ANKLE2: variants seen among roughly 807,000 people sequenced by gnomAD.
The protein encoded by ANKLE2 is ankyrin repeat and LEM domain-containing protein 2.
A neutral mutation model predicts 84.2 loss-of-function variants in ANKLE2; 55 were observed. That is an observed-to-expected ratio of 0.65 (90% CI 0.53 to 0.82). The LOEUF is 0.82. Among genes scored for constraint, ANKLE2 ranks in the 40% least tolerant of loss-of-function variants. ANKLE2 has a pLI of 0.00. For missense variants in ANKLE2, 1,238 were observed against 1,201.9 expected (o/e 1.03, Z -0.44); for synonymous variants, 551 against 486.1 (o/e 1.13, Z -1.76).
intron 6 of ANKLE2, 184 bp from the exon 7 acceptor site, chr12:132,741,669 CAGCT>C (rs1308333372): frequency 1.5e-5 from 10 of 674,250 alleles, no homozygotes; most frequent in Non-Finnish European, 2.4e-5. Flanking sequence ...TCTAAGGAGA[CAGCT>C]AGGAGAACAC....
At chr12:132,752,063 G>C (rs189981352) in intron 2 of ANKLE2, among the ~76,000 whole-genome samples, 1 of 152,084 alleles carries the variant, frequency 6.6e-6, no homozygotes, top group African/African-American at 2.4e-5. Context: ...GCCATAGTTC[G>C]GGCACGGTGG....
In ANKLE2 at chr12:132,730,107, G is replaced by T. The variant is rs761438395; in HGVS notation, c.2055C>A (p.Leu685=). The T allele has an allele frequency of 6.2e-7, 1 of 1,612,516 alleles. No individual in the cohort carries two copies. The highest frequency in any genetic ancestry group is 8.5e-7 in the Non-Finnish European group (1 of 1,179,708). Residue 685 remains leucine (L), a synonymous_variant, in exon 11 of 13, where the codon CTC becomes CTA. Coordinates refer to ENST00000357997, the MANE Select transcript of ANKLE2 (RefSeq NM_015114.3). ...GACCTCCCGGCTCGGCGGCTTCTAT[G>T]AGGTCTGCCTCCTGCTCCAAGGGGA... The part of the protein sequence containing the change: ...SAFPLEQEAD[L]IEAAEPGGPH...
intron 6 of ANKLE2, chr12:132,742,275 T>C (rs750365329): frequency 3.8e-4 from 59 of 156,950 alleles, no homozygotes; most frequent in Non-Finnish European, 7.3e-4. Context: ...TAGAATTTTC[T>C]GGTGAATTTT....
chr12:132,752,690 T>C (rs1486627476), intron 2 of ANKLE2, among the ~76,000 whole-genome samples: 1 of 152,108 alleles, frequency 6.6e-6, no homozygotes, highest in Admixed American at 6.5e-5. Flanking sequence ...TTTAAAAAGA[T>C]CTTACAGAAC....
intron 3 of ANKLE2, among the ~76,000 whole-genome samples, chr12:132,749,864 G>T (rs982385806): frequency 1.3e-4 from 20 of 152,154 alleles, no homozygotes; most frequent in African/African-American, 4.8e-4. Flanking sequence ...TTCAGGTGGG[G>T]AAGTAGACTG....
chr12:132,728,137 TCCTGA>T lies in ANKLE2; in HGVS notation c.2505_2509del (p.Asp835GlufsTer7), dbSNP rs2043748157. On this transcript the variant is annotated frameshift_variant, in exon 12 of 13. Coordinates refer to ENST00000357997, the MANE Select transcript of ANKLE2 (RefSeq NM_015114.3). LOFTEE classifies it high-confidence loss of function. Reference sequence around the variant, plus strand: ...TGCACATTCAAGAGCGGCCAAAACATCCTGATCGAGTTTTGATGGCTCCTCTCTAG... The same window carrying T: ...TGCACATTCAAGAGCGGCCAAAACATTCGAGTTTTGATGGCTCCTCTCTAG... 1.2e-6 allele frequency: 2 copies of T among 1,612,622 alleles called. No individual in the cohort carries two copies. Among genetic ancestry groups the T allele is most frequent in the East Asian group, 4.5e-5 (2 of 44,874 alleles).
At chr12:132,731,710 A>G (rs2043849943) in intron 10 of ANKLE2, 1 of 152,134 alleles carries the variant, frequency 6.6e-6, no homozygotes, top group South Asian at 2.1e-4. Context: ...TGGCCTCCCT[A>G]AGTGCTGGGA....
chr12:132,743,348 T>TACTCATTC lies in ANKLE2; in HGVS notation c.1231-73_1231-72insGAATGAGT. 5 of 1,468,986 alleles carry TACTCATTC rather than the reference T, an allele frequency of 3.4e-6. No individual in the cohort carries two copies. Among genetic ancestry groups the TACTCATTC allele is most frequent in the East Asian group, 2.5e-5 (1 of 40,360 alleles). 91.0% of individuals were successfully genotyped at this position (1,468,986 alleles called of 1,614,324 possible). A position where few individuals can be genotyped will look rare whatever the true frequency, so the allele number is the denominator to read the frequency against. On this transcript the variant is annotated intron_variant, in intron 5 of 12. Coordinates refer to ENST00000357997, the MANE Select transcript of ANKLE2 (RefSeq NM_015114.3). The surrounding 1 kb of genome is among the most constrained non-coding windows in gnomAD (Gnocchi z 4.1). ...GAGGTTGCTCTAAGGTGAAAATACA[T>TACTCATTC]ATTCATTCATTCATTCATTCATTTA... is the stretch of plus-strand genomic sequence containing the variant.
chr12:132,747,389 CCTCT>C (rs944347023), intron 5 of ANKLE2, among the ~76,000 whole-genome samples: 1 of 150,094 alleles, frequency 6.7e-6, no homozygotes, highest in African/African-American at 2.5e-5. Flanking sequence ...TGTCAGGCAG[CCTCT>C]CTCTCTCTCC....
chr12:132,731,967 C>G (rs2043858986), intron 10 of ANKLE2: 1 of 149,218 alleles, frequency 6.7e-6, no homozygotes, highest in East Asian at 2.0e-4. Flanking sequence ...GCTCTGCGTC[C>G]TGGTGTCTCA....
intron 2 of ANKLE2, among the ~76,000 whole-genome samples, chr12:132,752,008 CA>C (rs2044367803): frequency 2.0e-5 from 3 of 152,098 alleles, no homozygotes; most frequent in African/African-American, 7.2e-5. Context: ...AATTTATGAA[CA>C]ATGTAACAGA....
In ANKLE2 at chr12:132,727,184, A is replaced by C; in HGVS notation, c.*58T>G. 2 of 1,445,588 alleles carry C rather than the reference A, an allele frequency of 1.4e-6. No individual in the cohort carries two copies. Among genetic ancestry groups the C allele is most frequent in the South Asian group, 2.8e-5 (2 of 70,590 alleles). The allele number at this position is 1,445,588 out of a possible 1,614,324, so 89.5% of individuals were successfully genotyped here. A position where few individuals can be genotyped will look rare whatever the true frequency, so the allele number is the denominator to read the frequency against. On this transcript the variant is annotated 3_prime_UTR_variant, in exon 13 of 13. Transcript: ENST00000357997. ...ATTCCTTTTTGACAGTTTAGCAATA[A>C]ACATATGACCCTTCCTTCTTTAAAA...
intron 12 of ANKLE2, among the ~76,000 whole-genome samples, chr12:132,727,727 C>T (rs993276324): frequency 2.0e-5 from 3 of 152,186 alleles, no homozygotes; most frequent in Non-Finnish European, 2.9e-5. Context: ...ACCCTGGCAC[C>T]GCGGGCACTG....
chr12:132,755,035 T>C lies in ANKLE2; in HGVS notation c.280A>G (p.Ile94Val), dbSNP rs747746964. 1.7e-5 allele frequency: 28 copies of C among 1,614,048 alleles called. No homozygotes were observed. The highest frequency in any genetic ancestry group is 2.7e-5 in the African/African-American group (2 of 74,926). Residue 94 changes from isoleucine (I) to valine (V), a missense_variant, in exon 2 of 13, where the codon ATT becomes GTT. This residue lies in a region of ANKLE2 where 422 missense variants were observed against 394.5 expected (regional missense o/e 1.07). Coordinates refer to ENST00000357997, the MANE Select transcript of ANKLE2 (RefSeq NM_015114.3). ...IVKAGLKCGP[I>V]TSTTRFIFEK... ...AAAATGAACCTTGTAGTTGATGTAA[T>C]GGGTCCACATTTCAATCCGGCTTTG... is the stretch of plus-strand genomic sequence containing the variant.
intron 10 of ANKLE2, among the ~76,000 whole-genome samples, chr12:132,732,762 G>A (rs1479930961): frequency 1.6e-5 from 2 of 127,670 alleles, no homozygotes; most frequent in African/African-American, 3.0e-5. Context: ...GAAGCACTGC[G>A]CGTCCTGGTG....
intron 9 of ANKLE2, 106 bp from the exon 10 acceptor site, chr12:132,734,681 A>G: frequency 8.8e-7 from 1 of 1,141,828 alleles, no homozygotes; most frequent in Middle Eastern, 2.1e-4. Flanking sequence ...AATGTCTGCA[A>G]TCATGGTTAT....
At chr12:132,754,078 T>G (rs1210310001) in intron 2 of ANKLE2, among the ~76,000 whole-genome samples, 1 of 149,620 alleles carries the variant, frequency 6.7e-6, no homozygotes, top group East Asian at 2.0e-4. Flanking sequence ...CCGTCTCTAC[T>G]AAAAATACAA....
Position 132,754,914 on chromosome 12 carries a change from G to T in ANKLE2, c.401C>A (p.Pro134Gln), listed in dbSNP as rs768103811. The T allele has an allele frequency of 6.2e-7, 1 of 1,614,208 alleles. No individual in the cohort carries two copies. The highest frequency in any genetic ancestry group is 2.2e-5 in the East Asian group (1 of 44,884). Residue 134 changes from proline to glutamine, a missense_variant, in exon 2 of 13, where the codon CCA becomes CAA. Pro to Gln is a moderately conservative substitution (Grantham distance 76). This residue lies in a region of ANKLE2 where 422 missense variants were observed against 394.5 expected (regional missense o/e 1.07). Transcript: ENST00000357997. ...EAGVTALSQD[P>Q]QRILKPAEGN... ...TTCAGCTGGCTTCAAAATCCTTTGT[G>T]GGTCCTGGCTGAGAGCTGTGACACC...
chr12:132,746,754 CAT>C (rs1399526045), intron 5 of ANKLE2, among the ~76,000 whole-genome samples: 1 of 152,174 alleles, frequency 6.6e-6, no homozygotes, highest in East Asian at 1.9e-4. Context: ...TTATCATAAA[CAT>C]ATAAATGAGG....
Sources: gnomAD v4.1 joint callset for allele counts (sites outside exome capture counted in the v4.1 genomes callset) on GRCh38, gnomAD v4.1.1 for gene constraint, gnomAD v4.1.1 regional missense constraint, Gnocchi (gnomAD v3.1) non-coding constraint, MANE v1.5 for transcripts, NCBI Gene and HGNC (gene_info 2026-07-23, HGNC 2026-07-21) for gene names.